SLC24A2: variants seen among roughly 807,000 people sequenced by gnomAD.
The protein encoded by SLC24A2 is sodium/potassium/calcium exchanger 2.
Under a neutral mutation model 62.0 loss-of-function variants are expected in SLC24A2, and 36 were observed. The ratio of observed to expected loss-of-function variants is 0.58; its 90% confidence interval spans 0.44 to 0.77. The LOEUF is 0.77. SLC24A2 is among the 30% of genes least tolerant of loss of function. The pLI is 0.00. For missense variants in SLC24A2, 846 were observed against 817.9 expected (o/e 1.03, Z -0.42); for synonymous variants, 358 against 294.0 (o/e 1.22, Z -2.23).
At chr9:19,980,835 G>A in the SLC24A2 span, among the ~76,000 whole-genome samples, 1 of 152,160 alleles carries the variant, frequency 6.6e-6, no homozygotes, top group Non-Finnish European at 1.5e-5. Flanking sequence ...TTCCTAGCAT[G>A]TCATAAGTGC....
intron 8 of SLC24A2, among the ~76,000 whole-genome samples, chr9:19,533,215 ATCT>A (rs1338580679): frequency 1.3e-5 from 2 of 152,190 alleles, no homozygotes; most frequent in Non-Finnish European, 2.9e-5. Context: ...TGGTATGTTC[ATCT>A]TCTTGGGCAA....
At chr9:19,828,852 G>A in the SLC24A2 span, among the ~76,000 whole-genome samples, 87 of 152,248 alleles carry the variant, frequency 5.7e-4, no homozygotes, top group South Asian at 8.1e-3. Context: ...GGGAGGGTCT[G>A]CTTGCTGCTC....
chr9:20,081,516 T>C, the SLC24A2 span, among the ~76,000 whole-genome samples: 1,705 of 148,132 alleles, frequency 0.012, 29 homozygotes, highest in African/African-American at 0.038. Flanking sequence ...CATTAGGAGA[T>C]ATACCTAAGG....
chr9:19,715,876 T>C (rs1483721215), intron 2 of SLC24A2, among the ~76,000 whole-genome samples: 1 of 152,240 alleles, frequency 6.6e-6, no homozygotes, highest in Non-Finnish European at 1.5e-5. Flanking sequence ...CTTCCAAACA[T>C]GTCTTTTCAA....
chr9:19,867,201 T>G, the SLC24A2 span, among the ~76,000 whole-genome samples: 500 of 152,272 alleles, frequency 3.3e-3, 1 homozygote, highest in African/African-American at 0.011. Flanking sequence ...ACACCTGCTG[T>G]GTACCCATAA....
chr9:19,956,331 T>C, the SLC24A2 span, among the ~76,000 whole-genome samples: 3 of 152,308 alleles, frequency 2.0e-5, no homozygotes, highest in African/African-American at 7.2e-5. Flanking sequence ...GAAGCCTGGG[T>C]TTTGGAACAA....
the SLC24A2 span, among the ~76,000 whole-genome samples, chr9:19,856,440 T>C: frequency 5.9e-5 from 9 of 152,150 alleles, no homozygotes; most frequent in African/African-American, 2.2e-4. Flanking sequence ...CCTTCGAACT[T>C]TGAGGCTGCT....
the SLC24A2 span, among the ~76,000 whole-genome samples, chr9:19,907,286 C>T: frequency 2.0e-5 from 3 of 152,168 alleles, 1 homozygote; most frequent in Admixed American, 1.3e-4. Context: ...ACGCTTCATG[C>T]TAAAAACACT....
the SLC24A2 span, among the ~76,000 whole-genome samples, chr9:20,099,272 T>A: frequency 6.6e-6 from 1 of 152,226 alleles, no homozygotes; most frequent in East Asian, 1.9e-4. Context: ...TACTTGATAA[T>A]GTCCCCTGCC....
the SLC24A2 span, among the ~76,000 whole-genome samples, chr9:19,995,214 T>G: frequency 1.3e-5 from 2 of 151,964 alleles, no homozygotes; most frequent in Non-Finnish European, 2.9e-5. Context: ...TTCACGCGTA[T>G]CTTTTAGACT....
the SLC24A2 span, among the ~76,000 whole-genome samples, chr9:19,908,595 G>A: frequency 5.3e-5 from 8 of 152,028 alleles, no homozygotes; most frequent in East Asian, 1.4e-3. Flanking sequence ...ATCTGACAAA[G>A]GGCTAATATC....
At chr9:20,243,026 G>C in the SLC24A2 span, among the ~76,000 whole-genome samples, 1 of 152,124 alleles carries the variant, frequency 6.6e-6, no homozygotes, top group East Asian at 1.9e-4. Context: ...TAACCCAGCA[G>C]TGTTTTATTT....
the SLC24A2 span, among the ~76,000 whole-genome samples, chr9:20,216,322 C>T: frequency 2.0e-4 from 30 of 152,204 alleles, no homozygotes; most frequent in African/African-American, 6.8e-4. Flanking sequence ...TCTCTGTCTC[C>T]TCTTCCAAAT....
the SLC24A2 span, among the ~76,000 whole-genome samples, chr9:20,150,655 T>C: frequency 7.1e-6 from 1 of 141,608 alleles, no homozygotes; most frequent in Non-Finnish European, 1.5e-5. Flanking sequence ...AATAATGATA[T>C]TCATTCTTGT....
At chr9:20,264,804 A>G in the SLC24A2 span, among the ~76,000 whole-genome samples, 1 of 152,236 alleles carries the variant, frequency 6.6e-6, no homozygotes, top group African/African-American at 2.4e-5. Flanking sequence ...CAAGTTACTT[A>G]ATCCCTGTAA....
the SLC24A2 span, among the ~76,000 whole-genome samples, chr9:19,844,836 C>T: frequency 6.6e-6 from 1 of 151,976 alleles, no homozygotes; most frequent in Admixed American, 6.5e-5. Flanking sequence ...AGGTGCACAG[C>T]TTTATTTCTG....
chr9:19,673,331 G>C (rs1819470186), intron 2 of SLC24A2, among the ~76,000 whole-genome samples: 1 of 146,382 alleles, frequency 6.8e-6, no homozygotes, highest in Non-Finnish European at 1.5e-5. Flanking sequence ...TTTAAAGTTT[G>C]TTTTGTCTTA....
intron 2 of SLC24A2, among the ~76,000 whole-genome samples, chr9:19,677,073 T>C (rs1296351650): frequency 6.6e-6 from 1 of 152,196 alleles, no homozygotes; most frequent in Admixed American, 6.5e-5. Flanking sequence ...AGCAATCCCA[T>C]TACTGGGTAT....
At chr9:19,773,381 G>A (rs1822747876) in intron 2 of SLC24A2, among the ~76,000 whole-genome samples, 1 of 152,184 alleles carries the variant, frequency 6.6e-6, no homozygotes, top group Admixed American at 6.5e-5. Flanking sequence ...AGAAGGCAAA[G>A]AGAACTATTT....
Sources: gnomAD v4.1 joint callset for allele counts (sites outside exome capture counted in the v4.1 genomes callset) on GRCh38, gnomAD v4.1.1 for gene constraint, MANE v1.5 for transcripts, NCBI Gene and HGNC (gene_info 2026-07-23, HGNC 2026-07-21) for gene names.